CSMD1: variants seen among roughly 807,000 people sequenced by gnomAD.
CSMD1 encodes the protein CUB and Sushi multiple domains 1, also known as CUB and sushi domain-containing protein 1.
A neutral mutation model predicts 417.5 loss-of-function variants in CSMD1; 213 were observed. The observed-to-expected ratio is 0.51, with a 90% CI of 0.46 to 0.57. CSMD1 has a LOEUF of 0.57. CSMD1 is among the 20% of genes least tolerant of loss of function. The pLI is 0.00. For synonymous variants in CSMD1, 2,862 were observed against 1,736.8 expected (o/e 1.65, Z -16.11); for missense variants, 6,923 against 4,529.7 (o/e 1.53, Z -15.17).
chr8:4,407,404 T>C (rs1563141151), intron 3 of CSMD1, among the ~76,000 whole-genome samples: 1 of 152,208 alleles, frequency 6.6e-6, no homozygotes, highest in Admixed American at 6.5e-5. Flanking sequence ...CAACTTGTGT[T>C]TAGGTTGCTG....
chr8:3,298,491 T>C (rs990933332), intron 25 of CSMD1, among the ~76,000 whole-genome samples: 1 of 152,200 alleles, frequency 6.6e-6, no homozygotes, highest in Non-Finnish European at 1.5e-5. Flanking sequence ...TCTTGATCTG[T>C]TGACCAGGCT....
chr8:4,002,967 TTA>T (rs1326599846), intron 4 of CSMD1, among the ~76,000 whole-genome samples: 1 of 152,070 alleles, frequency 6.6e-6, no homozygotes, highest in Middle Eastern at 3.2e-3. Flanking sequence ...AAAAATAACT[TTA>T]TAAGTAAACC....
chr8:4,720,392 C>G (rs906767467), intron 1 of CSMD1, among the ~76,000 whole-genome samples: 1 of 152,052 alleles, frequency 6.6e-6, no homozygotes, highest in Non-Finnish European at 1.5e-5. Context: ...AAATGCAAAA[C>G]TATCAGCTAC....
rs73661513 is a variant in CSMD1 at position 4,536,854 on chromosome 8, T to C, written c.302+100488A>G. Among the ~76,000 whole-genome samples, 131 of 152,312 alleles carry C rather than the reference T, an allele frequency of 8.6e-4. 1 individual carries two copies. The highest frequency in any genetic ancestry group is 3.1e-3 in the African/African-American group (128 of 41,562). On this transcript the variant is annotated intron_variant, in intron 2 of 69. Coordinates refer to ENST00000635120, the MANE Select transcript of CSMD1 (RefSeq NM_033225.6). The stretch of plus-strand genomic sequence containing the variant: ...TTCACAAGGGGTGTCACCTTTTGCA[T>C]TTTGCACAATAGTGCATCAGAGTGC...
intron 1 of CSMD1, among the ~76,000 whole-genome samples, chr8:4,730,731 A>G (rs1185936046): frequency 6.6e-6 from 1 of 151,034 alleles, no homozygotes; most frequent in Admixed American, 6.6e-5. Context: ...ACAGAGCGAG[A>G]CTCCATTTCA....
intron 11 of CSMD1, among the ~76,000 whole-genome samples, chr8:3,475,038 C>G (rs993858661): frequency 7.2e-5 from 11 of 152,110 alleles, no homozygotes; most frequent in African/African-American, 2.4e-5. Flanking sequence ...TTATTTTTCC[C>G]CATTCTCCAG....
intron 5 of CSMD1, among the ~76,000 whole-genome samples, chr8:3,832,185 G>T (rs775223602): frequency 7.9e-5 from 12 of 152,132 alleles, no homozygotes; most frequent in Non-Finnish European, 1.8e-4. Flanking sequence ...AGCCGTGGAG[G>T]CTGAGTCACG....
chr8:4,426,088 G>GAA (rs61422771), intron 2 of CSMD1, among the ~76,000 whole-genome samples: 239 of 139,932 alleles, frequency 1.7e-3, no homozygotes, highest in African/African-American at 5.8e-3. Flanking sequence ...GAATTATTTT[G>GAA]AAAAAAAAAA....
intron 2 of CSMD1, among the ~76,000 whole-genome samples, chr8:4,463,013 A>G (rs530794897): frequency 2.0e-5 from 3 of 152,360 alleles, no homozygotes; most frequent in South Asian, 4.1e-4. Flanking sequence ...AAAAAGATCT[A>G]TAGAATAGGG....
chr8:4,518,524 C>A (rs1442202805), intron 2 of CSMD1, among the ~76,000 whole-genome samples: 5 of 150,992 alleles, frequency 3.3e-5, no homozygotes, highest in Admixed American at 6.6e-5. Flanking sequence ...GGACAAAAAA[C>A]CAAACACCGC....
chr8:3,794,709 T>C (rs1328372556), intron 5 of CSMD1, among the ~76,000 whole-genome samples: 1 of 152,100 alleles, frequency 6.6e-6, no homozygotes, highest in Non-Finnish European at 1.5e-5. Flanking sequence ...ACTGTAAACC[T>C]AGCAAAACTC....
chr8:4,045,109 G>C (rs577671457), intron 3 of CSMD1, among the ~76,000 whole-genome samples: 4 of 152,286 alleles, frequency 2.6e-5, no homozygotes, highest in Non-Finnish European at 4.4e-5. Flanking sequence ...GGGAGACACT[G>C]AACATGGCAG....
At chr8:3,473,893 G>T (rs969355186) in intron 11 of CSMD1, among the ~76,000 whole-genome samples, 4 of 152,048 alleles carry the variant, frequency 2.6e-5, no homozygotes, top group African/African-American at 9.7e-5. Flanking sequence ...CATGGTAGAG[G>T]GTGAAAGGGA....
chr8:4,342,773 T>C (rs1158739234), intron 3 of CSMD1, among the ~76,000 whole-genome samples: 1 of 151,736 alleles, frequency 6.6e-6, no homozygotes, highest in Non-Finnish European at 1.5e-5. Flanking sequence ...AGAAAAATAA[T>C]ACAAGCTCAA....
In CSMD1 at chr8:4,682,424, T is replaced by G. The variant is rs549107788; in HGVS notation, c.86-44866A>C. Among the ~76,000 whole-genome samples, 5 of 152,300 alleles carry G rather than the reference T, an allele frequency of 3.3e-5. No individual in the cohort carries two copies. In the South Asian group the frequency reaches 1.0e-3, roughly 32 times the overall value. ...GGTATGCATTTAGTAATTTTCAAAT[T>G]TCGATGATTTGCTATGAATTTTTTT... On this transcript the variant is annotated intron_variant, in intron 1 of 69. Transcript: ENST00000635120.
chr8:4,151,812 G>C (rs2897778), intron 3 of CSMD1, among the ~76,000 whole-genome samples: 3 of 151,948 alleles, frequency 2.0e-5, no homozygotes, highest in Admixed American at 6.6e-5. Context: ...ATAATTGTTC[G>C]AAGTTTTTTT....
chr8:3,213,747 ATG>A (rs1197069394), intron 30 of CSMD1, among the ~76,000 whole-genome samples: 2 of 150,722 alleles, frequency 1.3e-5, no homozygotes, highest in African/African-American at 4.9e-5. Flanking sequence ...GTAAAAATAT[ATG>A]TGTGTGTATG....
chr8:3,157,866 A>T, intron 39 of CSMD1, 31 bp downstream of exon 39: 1 of 1,525,036 alleles, frequency 6.6e-7, no homozygotes, highest in African/African-American at 1.4e-5. Flanking sequence ...GTGTGTGCGC[A>T]GCAGCAGAGT....
intron 23 of CSMD1, among the ~76,000 whole-genome samples, chr8:3,322,643 C>T (rs1806226431): frequency 6.6e-6 from 1 of 152,164 alleles, no homozygotes; most frequent in Non-Finnish European, 1.5e-5. Flanking sequence ...AGGGACGCCC[C>T]TGGTCACCTG....
Sources: allele counts gnomAD v4.1 joint callset (sites outside exome capture counted in the v4.1 genomes callset), GRCh38; gene constraint gnomAD v4.1.1; transcripts MANE v1.5; gene names NCBI Gene and HGNC (gene_info 2026-07-23, HGNC 2026-07-21).